The following PMEPA1 variants were observed in gnomAD, a reference collection of about 807,000 sequenced individuals.
PMEPA1 encodes the protein prostate transmembrane protein, androgen induced 1.
In PMEPA1, 11 loss-of-function variants were observed where a neutral mutation model predicts 23.0. The observed-to-expected ratio is 0.48, with a 90% confidence interval of 0.30 to 0.79. PMEPA1 has a LOEUF of 0.79. Ranked by LOEUF, PMEPA1 falls within the 30% of genes least tolerant of loss-of-function variation. The pLI is 0.06. For synonymous variants in PMEPA1, 204 were observed against 166.4 expected (o/e 1.23, Z -1.74); for missense variants, 377 against 390.9 (o/e 0.96, Z 0.30).
chr20:57,666,190 C>T (rs556057072), intron 1 of PMEPA1, among the ~76,000 whole-genome samples: 31 of 152,100 alleles, frequency 2.0e-4, no homozygotes, highest in Non-Finnish European at 4.6e-4. Context: ...GTTCGTGTGC[C>T]TCGTTGGAGA....
At chr20:57,654,495 A>G (rs1013859560) in intron 2 of PMEPA1, among the ~76,000 whole-genome samples, 1 of 151,960 alleles carries the variant, frequency 6.6e-6, no homozygotes. Context: ...TCCCGTCAGG[A>G]CCGCTCCTAC....
At chr20:57,702,706 G>A (rs188675196) in intron 1 of PMEPA1, among the ~76,000 whole-genome samples, 173 of 152,278 alleles carry the variant, frequency 1.1e-3, no homozygotes, top group African/African-American at 3.9e-3. Context: ...GTGTGACCTC[G>A]AGCAAGTATC....
upstream of PMEPA1, chr20:57,710,578 G>C (rs969823066): frequency 9.1e-6 from 10 of 1,098,140 alleles, no homozygotes; most frequent in South Asian, 1.5e-5. Flanking sequence ...CAGGAAAGAC[G>C]GGAACTCGCG....
intron 2 of PMEPA1, among the ~76,000 whole-genome samples, chr20:57,657,678 G>A (rs936428878): frequency 1.3e-5 from 2 of 152,196 alleles, no homozygotes; most frequent in Non-Finnish European, 1.5e-5. Context: ...ACCTGGTGAC[G>A]CACTGAGGCT....
At chr20:57,689,030 G>C (rs993519877) in intron 1 of PMEPA1, among the ~76,000 whole-genome samples, 5 of 152,256 alleles carry the variant, frequency 3.3e-5, no homozygotes, top group Non-Finnish European at 5.9e-5. Flanking sequence ...ACAGGCTGTG[G>C]GGTTTTATTT....
upstream of PMEPA1, chr20:57,710,398 T>C: frequency 6.4e-7 from 1 of 1,562,244 alleles, no homozygotes; most frequent in East Asian, 2.4e-5. Context: ...GAGCACAAGG[T>C]CCCTGGGGGC....
intron 1 of PMEPA1, among the ~76,000 whole-genome samples, chr20:57,677,972 C>T (rs937495086): frequency 5.9e-5 from 9 of 152,148 alleles, no homozygotes; most frequent in Admixed American, 1.3e-4. Flanking sequence ...TGTATGACTC[C>T]ATTTCTATAA....
intron 1 of PMEPA1, among the ~76,000 whole-genome samples, chr20:57,707,649 T>C (rs1237234529): frequency 6.6e-6 from 1 of 151,520 alleles, no homozygotes; most frequent in Non-Finnish European, 1.5e-5. Context: ...ACAATGCTTT[T>C]TTTTTTTTTT....
rs1025495960 is a variant in PMEPA1, at chr20:57,652,909, C to A, written c.318+124G>T. The A allele has an allele frequency of 1.8e-5, 15 of 834,574 alleles. No homozygotes were observed. The highest frequency in any genetic ancestry group is 5.8e-5 in the South Asian group (4 of 68,860). 51.7% of individuals were successfully genotyped at this position (834,574 alleles called of 1,614,324 possible). A position where few individuals can be genotyped will look rare whatever the true frequency, so the allele number is the denominator to read the frequency against. On this transcript the variant is annotated intron_variant, in intron 3 of 3. Transcript: ENST00000341744. This position sits in a 1 kb window ranked among gnomAD's most constrained non-coding sequence, Gnocchi z 6.1. ...TGATCTCCGGCAAGGAGGATCCCAGCAGCAAGGGCACTGCAGAGGAGGGCG... is the reference window on the plus strand; with the variant it reads ...TGATCTCCGGCAAGGAGGATCCCAGAAGCAAGGGCACTGCAGAGGAGGGCG...
At chr20:57,676,666 G>T (rs2071640710) in intron 1 of PMEPA1, among the ~76,000 whole-genome samples, 1 of 152,226 alleles carries the variant, frequency 6.6e-6, no homozygotes, top group African/African-American at 2.4e-5. Flanking sequence ...ACTGGCTGGG[G>T]ATCAGCTCTC....
chr20:57,680,420 C>G (rs1380049598), intron 1 of PMEPA1, among the ~76,000 whole-genome samples: 4 of 152,176 alleles, frequency 2.6e-5, no homozygotes, highest in Non-Finnish European at 5.9e-5. Context: ...GGGGGTGTTA[C>G]TAGCATCCAG....
At chr20:57,658,814 C>G (rs2071364281) in intron 2 of PMEPA1, among the ~76,000 whole-genome samples, 2 of 152,190 alleles carry the variant, frequency 1.3e-5, no homozygotes, top group Admixed American at 1.3e-4. Context: ...GGCACGAGGG[C>G]AGGGCCGCCA....
In PMEPA1 at chr20:57,649,287, C is replaced by G. The variant is rs2146627446; in HGVS notation, c.*2766G>C. ...CTACCATCTAGAGGAAAGGGTGCAC[C>G]CTCAGCAGAGAAGCCGAGAGCTTAA... On this transcript the variant is annotated 3_prime_UTR_variant, in exon 4 of 4. Coordinates refer to ENST00000341744, the MANE Select transcript of PMEPA1 (RefSeq NM_020182.5). The G allele has an allele frequency of 6.6e-6, 1 of 152,294 alleles. No homozygotes were observed. Among genetic ancestry groups the G allele is most frequent in the Middle Eastern group, 3.4e-3 (1 of 294 alleles). The allele number at this position is 152,294 out of a possible 1,614,324, so 9.4% of individuals were successfully genotyped here. A position where few individuals can be genotyped will look rare whatever the true frequency, so the allele number is the denominator to read the frequency against.
rs1312045137 is a variant in PMEPA1 at position 57,709,527 on chromosome 20, T to C, written c.56A>G (p.Asn19Ser). 4 of 1,132,418 alleles carry C rather than the reference T, an allele frequency of 3.5e-6. No homozygotes were observed. The highest frequency in any genetic ancestry group is 3.3e-6 in the Non-Finnish European group (3 of 903,044). The allele number at this position is 1,132,418 out of a possible 1,614,324, so 70.1% of individuals were successfully genotyped here. ...STAAAAAGQP[N>S]VSCTCNCKRS... Reference sequence around the variant, plus strand: ...TTTGCAGTTGCACGTGCAGGAGACATTGGGCTGCCCGGCGGCGGCGGCGGC... The same window carrying C: ...TTTGCAGTTGCACGTGCAGGAGACACTGGGCTGCCCGGCGGCGGCGGCGGC... The change falls in exon 1 of 4, where the codon AAT (asparagine) becomes AGT (serine). Residue 19 changes from asparagine to serine, a missense_variant. By Grantham distance (46) the Asn-to-Ser change is conservative. This residue lies in a region of PMEPA1 where 198 missense variants were observed against 196.3 expected (regional missense o/e 1.01). Coordinates refer to ENST00000341744, the MANE Select transcript of PMEPA1 (RefSeq NM_020182.5).
intron 1 of PMEPA1, among the ~76,000 whole-genome samples, chr20:57,684,804 C>A (rs1329423690): frequency 6.6e-6 from 1 of 151,512 alleles, no homozygotes; most frequent in Non-Finnish European, 1.5e-5. Flanking sequence ...CAAAACATTG[C>A]CACAAAAGGA....
Position 57,652,508 on chromosome 20 carries a change from A to G in PMEPA1, c.409T>C (p.Tyr137His). ...TCGATCTCGTGCTGCAGGTACGGAT[A>G]GGTGGGCTGGAAGCGGTGGAAGCGC... ...RERFHRFQPT[Y>H]PYLQHEIDLP... The change falls in exon 4 of 4, where the codon TAT becomes CAT. Residue 137 changes from tyrosine (Y) to histidine (H), a missense_variant. This residue lies in a region of PMEPA1 where 198 missense variants were observed against 196.3 expected (regional missense o/e 1.01). Coordinates refer to ENST00000341744, the MANE Select transcript of PMEPA1 (RefSeq NM_020182.5). This position sits in a 1 kb window ranked among gnomAD's most constrained non-coding sequence, Gnocchi z 6.1. 6.3e-7 allele frequency: 1 copy of G among 1,589,060 alleles called. No individual in the cohort carries two copies.
rs2071272852 is a variant in PMEPA1, at chr20:57,652,900, G to A, written c.318+133C>T. 2.5e-6 allele frequency: 2 copies of A among 798,108 alleles called. No homozygotes were observed. Among genetic ancestry groups the A allele is most frequent in the Non-Finnish European group, 4.2e-6 (2 of 474,900 alleles). 49.4% of individuals were successfully genotyped at this position (798,108 alleles called of 1,614,324 possible). On this transcript the variant is annotated intron_variant, in intron 3 of 3. Transcript: ENST00000341744. This position sits in a 1 kb window ranked among gnomAD's most constrained non-coding sequence, Gnocchi z 6.1. ...GGGAGCAGATGATCTCCGGCAAGGAGGATCCCAGCAGCAAGGGCACTGCAG... is the reference window on the plus strand; with the variant it reads ...GGGAGCAGATGATCTCCGGCAAGGAAGATCCCAGCAGCAAGGGCACTGCAG...
chr20:57,701,959 C>T (rs553053846), intron 1 of PMEPA1, among the ~76,000 whole-genome samples: 10 of 152,278 alleles, frequency 6.6e-5, no homozygotes, highest in Middle Eastern at 3.4e-3. Flanking sequence ...TCGATTACTG[C>T]CATGACAGGT....
At chr20:57,703,522 A>G (rs1056767562) in intron 1 of PMEPA1, among the ~76,000 whole-genome samples, 13 of 152,146 alleles carry the variant, frequency 8.5e-5, no homozygotes, top group African/African-American at 2.7e-4. Context: ...GGATTAAGGG[A>G]ACCCTGCTGG....
Sources: allele counts gnomAD v4.1 joint callset (sites outside exome capture counted in the v4.1 genomes callset), GRCh38; gene constraint gnomAD v4.1.1; regional missense constraint gnomAD v4.1.1; non-coding constraint Gnocchi (gnomAD v3.1); transcripts MANE v1.5; gene names NCBI Gene and HGNC (gene_info 2026-07-23, HGNC 2026-07-21).